The following ENOX1 variants were observed in gnomAD, a reference collection of about 807,000 sequenced individuals.
ENOX1 encodes the protein candidate growth-related and time keeping constitutive hydroquinone (NADH) oxidase.
In ENOX1, 42 loss-of-function variants were observed where a neutral mutation model predicts 82.5. The observed-to-expected ratio is 0.51, with a 90% CI of 0.40 to 0.66. The LOEUF is 0.66. Among genes scored for constraint, ENOX1 ranks in the 30% least tolerant of loss-of-function variants. ENOX1 has a pLI of 0.00. For synonymous variants in ENOX1, 271 were observed against 282.2 expected (o/e 0.96, Z 0.40); for missense variants, 608 against 811.6 (o/e 0.75, Z 3.05).
chr13:43,765,583 C>T (rs146719664), intron 1 of ENOX1, among the ~76,000 whole-genome samples: 74 of 152,222 alleles, frequency 4.9e-4, no homozygotes, highest in African/African-American at 1.8e-3. Flanking sequence ...ATCCATTCCT[C>T]GAGTAGCTTA....
chr13:43,232,860 A>C (rs2042350697), intron 15 of ENOX1, among the ~76,000 whole-genome samples: 1 of 152,224 alleles, frequency 6.6e-6, no homozygotes, highest in African/African-American at 2.4e-5. Flanking sequence ...ATTGTGTTGG[A>C]ATTATTATAA....
At chr13:43,246,946 G>A (rs907035060) in intron 14 of ENOX1, among the ~76,000 whole-genome samples, 8 of 152,114 alleles carry the variant, frequency 5.3e-5, no homozygotes, top group Non-Finnish European at 7.4e-5. Context: ...AGAGAGGGGC[G>A]AGCTAAAATC....
intron 2 of ENOX1, among the ~76,000 whole-genome samples, chr13:43,550,050 A>T (rs571498053): frequency 6.6e-6 from 1 of 152,224 alleles, no homozygotes; most frequent in Admixed American, 6.5e-5. Context: ...GGAGTGTGCA[A>T]CCTAGATCCC....
intron 1 of ENOX1, among the ~76,000 whole-genome samples, chr13:43,699,968 C>T (rs1274806784): frequency 3.3e-5 from 5 of 152,150 alleles, no homozygotes; most frequent in Non-Finnish European, 7.4e-5. Context: ...CATTCCAATT[C>T]TTCTATTTTG....
intron 8 of ENOX1, among the ~76,000 whole-genome samples, chr13:43,354,905 C>T (rs1007439742): frequency 2.6e-5 from 4 of 152,316 alleles, no homozygotes; most frequent in African/African-American, 9.6e-5. Flanking sequence ...AATTATGCCT[C>T]CTCTATAAAG....
chr13:43,468,921 T>C (rs2057865927), intron 3 of ENOX1, among the ~76,000 whole-genome samples: 1 of 152,222 alleles, frequency 6.6e-6, no homozygotes, highest in South Asian at 2.1e-4. Flanking sequence ...TGCTAGTGTA[T>C]ACAAATATAA....
At chr13:43,510,937 T>A (rs1202950976) in intron 2 of ENOX1, among the ~76,000 whole-genome samples, 1 of 152,106 alleles carries the variant, frequency 6.6e-6, no homozygotes, top group Non-Finnish European at 1.5e-5. Context: ...ACTATAGGGA[T>A]GCAGAAAAAA....
chr13:43,593,003 CGTTA>C (rs1469607570), intron 2 of ENOX1, among the ~76,000 whole-genome samples: 37 of 152,188 alleles, frequency 2.4e-4, no homozygotes, highest in Non-Finnish European at 4.7e-4. Flanking sequence ...GTAACTATCA[CGTTA>C]GTTATTCAGC....
Position 43,411,970 on chromosome 13 carries a change from T to C in ENOX1, c.154A>G (p.Met52Val), listed in dbSNP as rs754912517. The change falls in exon 5 of 17, where the codon ATG becomes GTG. Residue 52 changes from methionine (M) to valine (V), a missense_variant. Coordinates refer to ENST00000690772, the MANE Select transcript of ENOX1 (RefSeq NM_001347969.2). ...VTDPTAWATA[M>V]NNLGMVPVGL... ...ACGGGAACCATGCCCAGGTTATTCATGGCTGTAGCCCAGGCTGTGGGATCT... is the reference window on the plus strand; with the variant it reads ...ACGGGAACCATGCCCAGGTTATTCACGGCTGTAGCCCAGGCTGTGGGATCT... 8.7e-6 allele frequency: 14 copies of C among 1,614,096 alleles called. No individual in the cohort carries two copies. The highest frequency in any genetic ancestry group is 1.6e-4 in the Middle Eastern group (1 of 6,084).
intron 1 of ENOX1, among the ~76,000 whole-genome samples, chr13:43,764,475 G>C (rs1329261737): frequency 1.3e-5 from 2 of 152,180 alleles, no homozygotes; most frequent in Admixed American, 6.5e-5. Flanking sequence ...AGTTACACTT[G>C]ATCTTCTTGT....
chr13:43,720,320 A>G (rs925708793), intron 1 of ENOX1, among the ~76,000 whole-genome samples: 11 of 152,132 alleles, frequency 7.2e-5, no homozygotes, highest in Non-Finnish European at 1.2e-4. Flanking sequence ...CTGTACTTCC[A>G]TCTCTCAGTG....
chr13:43,721,620 C>T (rs980243538), intron 1 of ENOX1, among the ~76,000 whole-genome samples: 8 of 152,034 alleles, frequency 5.3e-5, no homozygotes, highest in Admixed American at 3.3e-4. Flanking sequence ...CCTCGTGATC[C>T]GCCCGCCTCA....
At chr13:43,332,661 G>C (rs1295058434) in intron 9 of ENOX1, among the ~76,000 whole-genome samples, 1 of 152,144 alleles carries the variant, frequency 6.6e-6, no homozygotes, top group Admixed American at 6.5e-5. Context: ...ATCACTCCAA[G>C]TATACTCCAG....
At chr13:43,361,551 A>G (rs1399473027) in intron 5 of ENOX1, 99 bp from the exon 6 acceptor site, 7 of 1,125,812 alleles carry the variant, frequency 6.2e-6, no homozygotes, top group Non-Finnish European at 8.7e-6. Context: ...TATACTTTCT[A>G]TTTTTCAGGA....
At chr13:43,567,066 A>G (rs567616685) in intron 2 of ENOX1, among the ~76,000 whole-genome samples, 1 of 152,300 alleles carries the variant, frequency 6.6e-6, no homozygotes, top group African/African-American at 2.4e-5. Flanking sequence ...TCATAATTTG[A>G]ACAAAGTATT....
intron 2 of ENOX1, among the ~76,000 whole-genome samples, chr13:43,601,975 G>C (rs1268996782): frequency 3.9e-5 from 6 of 151,922 alleles, no homozygotes; most frequent in Non-Finnish European, 7.4e-5. Flanking sequence ...ATAGGAAGGA[G>C]AAATAAAGGA....
intron 2 of ENOX1, among the ~76,000 whole-genome samples, chr13:43,499,975 A>G (rs1242188598): frequency 6.6e-6 from 1 of 152,024 alleles, no homozygotes; most frequent in Non-Finnish European, 1.5e-5. Flanking sequence ...CAGCAGATTC[A>G]ATCAAGCAGA....
At chr13:43,342,009 G>A (rs1375421840) in intron 9 of ENOX1, among the ~76,000 whole-genome samples, 1 of 152,096 alleles carries the variant, frequency 6.6e-6, no homozygotes, top group Non-Finnish European at 1.5e-5. Flanking sequence ...AAGAAGATGT[G>A]ATGGCAGGCG....
chr13:43,471,336 G>C (rs1040771369), intron 3 of ENOX1, among the ~76,000 whole-genome samples: 5 of 152,038 alleles, frequency 3.3e-5, no homozygotes, highest in Non-Finnish European at 2.9e-5. Context: ...ATAGATTCGG[G>C]TGCAACAGGC....
Sources: gnomAD v4.1 joint callset for allele counts (sites outside exome capture counted in the v4.1 genomes callset) on GRCh38, gnomAD v4.1.1 for gene constraint, MANE v1.5 for transcripts, NCBI Gene and HGNC (gene_info 2026-07-23, HGNC 2026-07-21) for gene names.